The following TBL1XR1 variants were observed in gnomAD, a reference collection of about 807,000 sequenced individuals.
TBL1XR1 encodes the protein TBL1X/Y related 1.
In TBL1XR1, 5 loss-of-function variants were observed where a neutral mutation model predicts 66.9. That is an observed-to-expected ratio of 0.07 (90% CI 0.04 to 0.16). The LOEUF (loss-of-function observed/expected upper bound fraction) is 0.16. TBL1XR1 is among the 10% of genes least tolerant of loss of function. The probability of loss-of-function intolerance (pLI) is 1.00; values close to 1 mark genes in which losing one functional copy is unlikely to be tolerated. For missense variants in TBL1XR1, 238 were observed against 623.2 expected (o/e 0.38, Z 6.58); for synonymous variants, 210 against 206.0 (o/e 1.02, Z -0.17).
At chr3:177,072,492 TGAA>T (rs1183001047) in intron 2 of TBL1XR1, among the ~76,000 whole-genome samples, 1 of 151,670 alleles carries the variant, frequency 6.6e-6, no homozygotes, top group Non-Finnish European at 1.5e-5. Flanking sequence ...AAAAATTCCC[TGAA>T]GAATATCCTT....
intron 12 of TBL1XR1, among the ~76,000 whole-genome samples, 159 bp from the exon 13 acceptor site, chr3:177,034,484 G>C (rs539290559): frequency 6.6e-6 from 1 of 151,512 alleles, no homozygotes; most frequent in Non-Finnish European, 1.5e-5. Flanking sequence ...AATGCAATAG[G>C]ATATATTTAA....
At chr3:177,128,535 G>A (rs990489350) in intron 1 of TBL1XR1, among the ~76,000 whole-genome samples, 1 of 152,052 alleles carries the variant, frequency 6.6e-6, no homozygotes, top group African/African-American at 2.4e-5. Context: ...CACCACGCCT[G>A]GTTAATTTTT....
chr3:177,056,977 A>G (rs1717881419), intron 3 of TBL1XR1, among the ~76,000 whole-genome samples: 1 of 152,184 alleles, frequency 6.6e-6, no homozygotes, highest in Non-Finnish European at 1.5e-5. Flanking sequence ...AAAACTGAAC[A>G]TATCACTTCT....
chr3:177,028,719 T>C (rs1306072310), intron 14 of TBL1XR1, among the ~76,000 whole-genome samples: 2 of 152,140 alleles, frequency 1.3e-5, no homozygotes, highest in Non-Finnish European at 2.9e-5. Flanking sequence ...AAATCCAAAA[T>C]TGTGTGCTCT....
chr3:177,156,597 C>A, intron 1 of TBL1XR1, among the ~76,000 whole-genome samples: 1 of 149,302 alleles, frequency 6.7e-6, no homozygotes. Flanking sequence ...ATATAAAATT[C>A]TGACAAAACA....
intron 10 of TBL1XR1, among the ~76,000 whole-genome samples, chr3:177,044,519 A>C (rs1716051651): frequency 6.6e-6 from 1 of 152,112 alleles, no homozygotes; most frequent in African/African-American, 2.4e-5. Context: ...TGGGAGAGAG[A>C]TATCACTAAG....
chr3:177,190,440 T>C (rs1018730411), intron 1 of TBL1XR1, among the ~76,000 whole-genome samples: 2 of 152,142 alleles, frequency 1.3e-5, no homozygotes, highest in Non-Finnish European at 2.9e-5. Flanking sequence ...CTCAGCCTCC[T>C]GAGTAGCTAG....
intron 1 of TBL1XR1, among the ~76,000 whole-genome samples, chr3:177,130,308 AAAC>A (rs891909098): frequency 6.6e-6 from 1 of 152,202 alleles, no homozygotes; most frequent in Non-Finnish European, 1.5e-5. Context: ...TTATAAAAAG[AAAC>A]AACCAATTCT....
chr3:177,131,179 G>T (rs929161081), intron 1 of TBL1XR1, among the ~76,000 whole-genome samples: 10 of 152,116 alleles, frequency 6.6e-5, no homozygotes, highest in African/African-American at 2.2e-4. Flanking sequence ...AGCAAATCGG[G>T]AATCCATGTC....
At chr3:177,143,777 AGTTC>A (rs1729910899) in intron 1 of TBL1XR1, among the ~76,000 whole-genome samples, 1 of 152,232 alleles carries the variant, frequency 6.6e-6, no homozygotes, top group East Asian at 1.9e-4. Flanking sequence ...GGTCTCTGAT[AGTTC>A]ATTCAGGCTC....
intron 1 of TBL1XR1, among the ~76,000 whole-genome samples, chr3:177,190,617 C>G (rs941997960): frequency 2.0e-5 from 3 of 152,174 alleles, no homozygotes; most frequent in Non-Finnish European, 4.4e-5. Context: ...CGTACCCAGT[C>G]AAAACCATCC....
chr3:177,160,298 C>T (rs571336842), intron 1 of TBL1XR1, among the ~76,000 whole-genome samples: 2 of 151,990 alleles, frequency 1.3e-5, no homozygotes, highest in East Asian at 3.9e-4. Context: ...CACGATGAAA[C>T]CCCATCTCTA....
intron 1 of TBL1XR1, among the ~76,000 whole-genome samples, chr3:177,158,909 G>A (rs187227820): frequency 1.5e-3 from 221 of 152,058 alleles, no homozygotes; most frequent in Admixed American, 3.9e-3. Flanking sequence ...CCATCCTGCG[G>A]GCCACATTAA....
intron 7 of TBL1XR1, among the ~76,000 whole-genome samples, chr3:177,048,304 C>G (rs989973316): frequency 1.3e-5 from 2 of 152,168 alleles, no homozygotes; most frequent in African/African-American, 4.8e-5. Flanking sequence ...TATGCAAACA[C>G]AGAAGTTACA....
chr3:177,066,542 A>C (rs1404346571), intron 2 of TBL1XR1, among the ~76,000 whole-genome samples: 1 of 152,208 alleles, frequency 6.6e-6, no homozygotes, highest in African/African-American at 2.4e-5. Flanking sequence ...AGGACCTTCA[A>C]GGCAGCACTA....
rs187860069 is a variant in TBL1XR1, at chr3:177,110,501, T to G, written c.-121-11960A>C. On this transcript the variant is annotated intron_variant, in intron 1 of 15. Coordinates refer to ENST00000457928, the MANE Select transcript of TBL1XR1 (RefSeq NM_024665.7). The stretch of plus-strand genomic sequence containing the variant: ...AGAACACCTGGTCTTGGTTTTGTGG[T>G]TTTTTTTTCCCTACTGTGTTCACTA... Among the ~76,000 whole-genome samples the G allele has an allele frequency of 3.6e-3, 527 of 146,148 alleles. 3 individuals are homozygous for G. The highest frequency in any genetic ancestry group is 8.8e-3 in the African/African-American group (357 of 40,750).
At chr3:177,139,815 T>C (rs548374856) in intron 1 of TBL1XR1, among the ~76,000 whole-genome samples, 2 of 152,258 alleles carry the variant, frequency 1.3e-5, no homozygotes, top group African/African-American at 4.8e-5. Context: ...GTTGTCAAAC[T>C]GAAAACACTC....
At chr3:177,154,014 A>T (rs1731210583) in intron 1 of TBL1XR1, among the ~76,000 whole-genome samples, 1 of 152,030 alleles carries the variant, frequency 6.6e-6, no homozygotes, top group South Asian at 2.1e-4. Context: ...AAAAAAAAGA[A>T]CAGATAAGAC....
intron 1 of TBL1XR1, among the ~76,000 whole-genome samples, chr3:177,178,722 G>C (rs77737013): frequency 9.3e-4 from 142 of 152,180 alleles, no homozygotes; most frequent in Non-Finnish European, 1.7e-3. Flanking sequence ...AAGGAGATGG[G>C]ACCATATTTT....
Sources: allele counts gnomAD v4.1 joint callset (sites outside exome capture counted in the v4.1 genomes callset), GRCh38; gene constraint gnomAD v4.1.1; transcripts MANE v1.5; gene names NCBI Gene and HGNC (gene_info 2026-07-23, HGNC 2026-07-21).